The following CDK14 variants were observed in gnomAD, a reference collection of about 807,000 sequenced individuals.
CDK14 encodes cyclin dependent kinase 14.
In CDK14, 34 loss-of-function variants were observed where a neutral mutation model predicts 60.7. The ratio of observed to expected loss-of-function variants is 0.56; its 90% CI spans 0.43 to 0.75. The LOEUF is 0.75. CDK14 is among the 30% of genes least tolerant of loss of function. CDK14 has a pLI of 0.00. For missense variants in CDK14, 482 were observed against 564.1 expected, an observed-to-expected ratio of 0.85 and a Z score of 1.47; for synonymous variants, 197 against 203.7, an observed-to-expected ratio of 0.97 and a Z score of 0.28.
intron 5 of CDK14, among the ~76,000 whole-genome samples, chr7:90,810,237 C>G (rs1229559613): frequency 6.6e-6 from 1 of 152,154 alleles, no homozygotes; most frequent in Admixed American, 6.5e-5. Context: ...TACTGGGAAA[C>G]CAAGTCCAGC....
chr7:90,793,844 G>A (rs1477329338), intron 5 of CDK14, among the ~76,000 whole-genome samples: 1 of 152,120 alleles, frequency 6.6e-6, no homozygotes, highest in African/African-American at 2.4e-5. Flanking sequence ...TTGGAGTTGA[G>A]TACTTTTGAC....
At chr7:90,639,817 G>C (rs2116436027) in intron 2 of CDK14, among the ~76,000 whole-genome samples, 1 of 152,286 alleles carries the variant, frequency 6.6e-6, no homozygotes, top group South Asian at 2.1e-4. Context: ...GCAAGCCTGG[G>C]CAATGGCGGG....
intron 14 of CDK14, among the ~76,000 whole-genome samples, chr7:91,156,150 C>G (rs751420142): frequency 6.6e-6 from 1 of 152,194 alleles, no homozygotes; most frequent in Non-Finnish European, 1.5e-5. Flanking sequence ...CTCTCATTAA[C>G]TAGTTGCCCA....
intron 10 of CDK14, among the ~76,000 whole-genome samples, chr7:91,038,239 A>T (rs1202049273): frequency 2.6e-5 from 4 of 152,224 alleles, no homozygotes; most frequent in African/African-American, 7.2e-5. Flanking sequence ...GTTTAACATG[A>T]CTTTTTATTT....
chr7:91,031,827 C>T (rs529412269), intron 10 of CDK14, among the ~76,000 whole-genome samples: 55 of 152,306 alleles, frequency 3.6e-4, no homozygotes, highest in African/African-American at 5.5e-4. Flanking sequence ...ATGGGAATGT[C>T]GCTCCTTGAC....
intron 8 of CDK14, among the ~76,000 whole-genome samples, chr7:90,927,124 A>T (rs6962440): frequency 0.99 from 149,930 of 152,202 alleles, 73,885 homozygotes; most frequent in East Asian, 1. Context: ...AGAGGTTCAT[A>T]ACCTAGATGA....
chr7:91,112,666 T>C lies in CDK14; in HGVS notation c.1279T>C (p.Trp427Arg), dbSNP rs1283530128. 2 of 1,613,656 alleles carry C rather than the reference T, an allele frequency of 1.2e-6. No homozygotes were observed. Among genetic ancestry groups the C allele is most frequent in the Admixed American group, 3.3e-5 (2 of 59,972 alleles). The change falls in exon 13 of 15, where the codon TGG becomes CGG. Residue 427 changes from tryptophan to arginine, a missense_variant. Transcript: ENST00000380050. ...TTTTAGTGACCTGCCGCCACGGCTA[T>C]GGGAACTCACCGACAGTGAGTATGA... ...EYFSDLPPRL[W>R]ELTDMSSIFT...
At chr7:90,875,903 ATATAT>A (rs1262635579) in intron 6 of CDK14, among the ~76,000 whole-genome samples, 1 of 152,190 alleles carries the variant, frequency 6.6e-6, no homozygotes, top group African/African-American at 2.4e-5. Flanking sequence ...TTCATTTATA[ATATAT>A]TCTTCCTTGT....
At chr7:90,684,583 C>T (rs1172632307) in intron 2 of CDK14, among the ~76,000 whole-genome samples, 1 of 152,202 alleles carries the variant, frequency 6.6e-6, no homozygotes, top group Non-Finnish European at 1.5e-5. Flanking sequence ...GTCACTTCCT[C>T]TAGTGTCCTG....
intron 12 of CDK14, among the ~76,000 whole-genome samples, chr7:91,096,336 G>A (rs34188565): frequency 0.1 from 15,285 of 152,096 alleles, 996 homozygotes; most frequent in Non-Finnish European, 0.15. Flanking sequence ...CATGTCATGT[G>A]CCCAGCCCTA....
chr7:91,077,743 TACACACACACACAC>T (rs36101608), intron 11 of CDK14, among the ~76,000 whole-genome samples: 5 of 148,612 alleles, frequency 3.4e-5, no homozygotes, highest in South Asian at 2.2e-4. Context: ...TTCACTTTTA[TACACACACACACAC>T]ACACACACAC....
chr7:90,629,855 C>A (rs771532716), intron 2 of CDK14, among the ~76,000 whole-genome samples: 25 of 152,052 alleles, frequency 1.6e-4, no homozygotes, highest in Non-Finnish European at 3.5e-4. Flanking sequence ...GGTGAAACCC[C>A]ATTTCTATTA....
chr7:91,098,334 C>G (rs1799056811), intron 12 of CDK14, among the ~76,000 whole-genome samples: 1 of 151,954 alleles, frequency 6.6e-6, no homozygotes, highest in African/African-American at 2.4e-5. Context: ...TTTCTGCAGT[C>G]CTAACCATTT....
intron 14 of CDK14, among the ~76,000 whole-genome samples, chr7:91,188,672 C>A (rs557958218): frequency 7.2e-5 from 11 of 152,162 alleles, no homozygotes; most frequent in Non-Finnish European, 1.6e-4. Flanking sequence ...AATCGTCTGT[C>A]TTGGTGCTCA....
rs1314765133 is a variant in CDK14, at chr7:90,729,347, T to TTTG, written c.369+2537_369+2538insGTT. Among the ~76,000 whole-genome samples the TTTG allele has an allele frequency of 2.1e-3, 251 of 117,558 alleles. 10 individuals are homozygous for TTTG. Among genetic ancestry groups the TTTG allele is most frequent in the African/African-American group, 8.6e-3 (243 of 28,232 alleles). 77.1% of individuals were successfully genotyped at this position (117,558 alleles called of 152,430 possible). A position where few individuals can be genotyped will look rare whatever the true frequency, so the allele number is the denominator to read the frequency against. ...CTTGGATCATGTAGGTATCAAGGTT[T>TTTG]TTTTTTTTTTTTTTTTTTTTTTTTC... On this transcript the variant is annotated intron_variant, in intron 3 of 14. Coordinates refer to ENST00000380050, the MANE Select transcript of CDK14 (RefSeq NM_001287135.2).
At chr7:91,031,426 C>G (rs946404801) in intron 10 of CDK14, among the ~76,000 whole-genome samples, 5 of 150,764 alleles carry the variant, frequency 3.3e-5, no homozygotes, top group Admixed American at 3.3e-4. Flanking sequence ...AAAAAAAATC[C>G]CAAAATATTA....
intron 6 of CDK14, among the ~76,000 whole-genome samples, chr7:90,879,651 A>G (rs1791676570): frequency 6.6e-6 from 1 of 152,142 alleles, no homozygotes; most frequent in Non-Finnish European, 1.5e-5. Context: ...TGTAAATGAC[A>G]GGTTGATGGT....
In CDK14 at chr7:91,087,227, A is replaced by G. The variant is rs377310467; in HGVS notation, c.1154+7747A>G. ...TTTATAATACTGGGGCTCAATTTCT[A>G]TTCATTGTGAGGATAGAGCTCCTAG... On this transcript the variant is annotated intron_variant, in intron 12 of 14. Coordinates refer to ENST00000380050, the MANE Select transcript of CDK14 (RefSeq NM_001287135.2). Among the ~76,000 whole-genome samples, 26 of 152,318 alleles carry G rather than the reference A, an allele frequency of 1.7e-4. 1 individual carries two copies. Among genetic ancestry groups the G allele is most frequent in the African/African-American group, 6.3e-4 (26 of 41,578 alleles).
chr7:91,041,991 G>A (rs59695178), intron 10 of CDK14, among the ~76,000 whole-genome samples: 4,093 of 152,248 alleles, frequency 0.027, 160 homozygotes, highest in African/African-American at 0.091. Flanking sequence ...AGCAATTACC[G>A]GGTAGTGGTT....
Sources: gnomAD v4.1 joint callset for allele counts (sites outside exome capture counted in the v4.1 genomes callset) on GRCh38, gnomAD v4.1.1 for gene constraint, MANE v1.5 for transcripts, NCBI Gene and HGNC (gene_info 2026-07-23, HGNC 2026-07-21) for gene names.